Variants in NFAM1 observed in about 807,000 individuals in gnomAD.
The protein encoded by NFAM1 is NFAT activation molecule 1.
A neutral mutation model predicts 29.0 loss-of-function variants in NFAM1; 17 were observed. The observed-to-expected ratio is 0.59, with a 90% confidence interval of 0.40 to 0.88. The LOEUF (loss-of-function observed/expected upper bound fraction) is 0.88. Ranked by LOEUF, NFAM1 falls within the 40% of genes least tolerant of loss-of-function variation. NFAM1 has a pLI of 0.00. For synonymous variants in NFAM1, 175 were observed against 147.2 expected, an observed-to-expected ratio of 1.19 and a Z score of -1.36; for missense variants, 324 against 344.6, an observed-to-expected ratio of 0.94 and a Z score of 0.47.
chr22:42,404,986 A>G (rs1929846223), intron 3 of NFAM1, among the ~76,000 whole-genome samples: 1 of 151,760 alleles, frequency 6.6e-6, no homozygotes, highest in Non-Finnish European at 1.5e-5. Flanking sequence ...GCTTGCTTTC[A>G]CCCTGTTGGC....
chr22:42,405,650 C>A (rs1929872663), intron 3 of NFAM1, among the ~76,000 whole-genome samples: 1 of 152,164 alleles, frequency 6.6e-6, no homozygotes, highest in Admixed American at 6.5e-5. Context: ...TAACCCTGGG[C>A]TCATGAAAGC....
At chr22:42,422,372 G>A (rs1260735934) in intron 1 of NFAM1, among the ~76,000 whole-genome samples, 1 of 152,116 alleles carries the variant, frequency 6.6e-6, no homozygotes, top group Non-Finnish European at 1.5e-5. Context: ...TTGGGAAGCT[G>A]AGGCGGGCGG....
At chr22:42,420,020 T>TCTGAGGCAGAA (rs1930391994) in intron 1 of NFAM1, among the ~76,000 whole-genome samples, 1 of 118,036 alleles carries the variant, frequency 8.5e-6, no homozygotes, top group Admixed American at 9.1e-5. Flanking sequence ...TTTTTTTTTT[T>TCTGAGGCAGAA]TTTTTTCTGA....
chr22:42,437,859 G>A, the NFAM1 span, among the ~76,000 whole-genome samples: 9 of 152,136 alleles, frequency 5.9e-5, no homozygotes, highest in African/African-American at 1.2e-4. Flanking sequence ...GAGGGCTGTC[G>A]GTACAGGGTG....
At chr22:42,414,083 A>G (rs911385473) in intron 1 of NFAM1, among the ~76,000 whole-genome samples, 9 of 152,008 alleles carry the variant, frequency 5.9e-5, no homozygotes, top group African/African-American at 2.2e-4. Context: ...AAGAAAGAAA[A>G]AGAGAGACAC....
intron 1 of NFAM1, among the ~76,000 whole-genome samples, chr22:42,425,016 G>A (rs2030326835): frequency 1.3e-5 from 2 of 151,956 alleles, no homozygotes; most frequent in African/African-American, 4.8e-5. Flanking sequence ...CTACCTCCCA[G>A]GTTCAAACAA....
intron 4 of NFAM1, among the ~76,000 whole-genome samples, chr22:42,397,390 T>C (rs1929566038): frequency 6.6e-6 from 1 of 152,256 alleles, no homozygotes; most frequent in African/African-American, 2.4e-5. Flanking sequence ...AATATCTGCA[T>C]GTGCCAGGAG....
At position 42,384,905 on chromosome 22, in the gene NFAM1, T is replaced by C; in HGVS notation, c.*256A>G. Reference sequence around the variant, plus strand: ...GAAGACTGAGGGGCGCTTTGCTGGTTGGGCCAAGGGAGGAAGGGCCTGCCT... The same window carrying C: ...GAAGACTGAGGGGCGCTTTGCTGGTCGGGCCAAGGGAGGAAGGGCCTGCCT... On this transcript the variant is annotated 3_prime_UTR_variant, in exon 6 of 6. Coordinates refer to ENST00000329021, the MANE Select transcript of NFAM1 (RefSeq NM_145912.8). The C allele has an allele frequency of 3.5e-6, 2 of 578,370 alleles. No individual in the cohort carries two copies. The highest frequency in any genetic ancestry group is 3.9e-5 in the South Asian group (2 of 51,844). 35.8% of individuals were successfully genotyped at this position (578,370 alleles called of 1,614,324 possible).
chr22:42,385,067 G>A lies in NFAM1; in HGVS notation c.*94C>T, dbSNP rs1393843914. ...GGGTGAAATGATGGGGTGTCCCTGG[G>A]GGCCTTACTCCCAACTCAGATCAAG... is the stretch of plus-strand genomic sequence containing the variant. On this transcript the variant is annotated 3_prime_UTR_variant, in exon 6 of 6. Transcript: ENST00000329021. 2 of 901,542 alleles carry A rather than the reference G, an allele frequency of 2.2e-6. No homozygotes were observed. The highest frequency in any genetic ancestry group is 1.3e-5 in the South Asian group (1 of 76,634). 55.8% of individuals were successfully genotyped at this position (901,542 alleles called of 1,614,324 possible).
intron 3 of NFAM1, among the ~76,000 whole-genome samples, chr22:42,405,356 C>A (rs900653636): frequency 6.6e-6 from 1 of 152,094 alleles, no homozygotes; most frequent in African/African-American, 2.4e-5. Context: ...GGTCCGCAGG[C>A]GGGGGGAGTC....
chr22:42,405,262 C>A (rs1929857777), intron 3 of NFAM1, among the ~76,000 whole-genome samples: 1 of 152,158 alleles, frequency 6.6e-6, no homozygotes, highest in Non-Finnish European at 1.5e-5. Flanking sequence ...TAAGATCTCG[C>A]CTGGCCCCGT....
chr22:42,414,557 ATTTTT>A (rs111849577), intron 1 of NFAM1, among the ~76,000 whole-genome samples: 1 of 147,418 alleles, frequency 6.8e-6, no homozygotes, highest in African/African-American at 2.5e-5. Context: ...TGGGCATCAA[ATTTTT>A]TTTTTTTTAA....
chr22:42,425,444 A>G (rs183711128), intron 1 of NFAM1, among the ~76,000 whole-genome samples: 49 of 151,514 alleles, frequency 3.2e-4, no homozygotes, highest in Non-Finnish European at 5.2e-4. Context: ...TTAAATCTCT[A>G]CCTCCCACAA....
At position 42,427,481 on chromosome 22, in the gene NFAM1, GGTGCTGGTCCC is replaced by G. The variant is rs1236667020; in HGVS notation, c.121+4745_121+4755del. ...GTCACCATTTCCTGAGCATCTGCTG[GGTGCTGGTCCC>G]GTGCTGGGAGTCAAGGATTAGAAGC... is the stretch of plus-strand genomic sequence containing the variant. On this transcript the variant is annotated intron_variant, in intron 1 of 5. Coordinates refer to ENST00000329021, the MANE Select transcript of NFAM1 (RefSeq NM_145912.8). Among the ~76,000 whole-genome samples, 4 of 152,172 alleles carry G rather than the reference GGTGCTGGTCCC, an allele frequency of 2.6e-5. No homozygotes were observed. The East Asian group carries it at 7.7e-4, about 29-fold the overall frequency.
intron 5 of NFAM1, among the ~76,000 whole-genome samples, chr22:42,386,045 G>A (rs1929127667): frequency 6.6e-6 from 1 of 152,118 alleles, no homozygotes; most frequent in African/African-American, 2.4e-5. Flanking sequence ...GGAAAACACT[G>A]CTCATCCACT....
chr22:42,385,238 A>C lies in NFAM1; in HGVS notation c.754-18T>G, dbSNP rs866113254. On this transcript the variant is annotated intron_variant, in intron 5 of 5. Transcript: ENST00000329021. ...GGTCTCTCCTGGATAGAAAAGAAGA[A>C]AGGGAGGGAAGGAGAGAAAGAGAGA... 6.5e-7 allele frequency: 1 copy of C among 1,545,874 alleles called. No individual in the cohort carries two copies. The highest frequency in any genetic ancestry group is 1.4e-5 in the African/African-American group (1 of 73,620).
intron 1 of NFAM1, among the ~76,000 whole-genome samples, chr22:42,430,964 C>T (rs141939338): frequency 3.0e-4 from 46 of 152,294 alleles, no homozygotes; most frequent in African/African-American, 5.5e-4. Flanking sequence ...TGGGGCGAGG[C>T]GTGCACAGGA....
At position 42,385,024 on chromosome 22, in the gene NFAM1, G is replaced by A. The variant is rs914094060; in HGVS notation, c.*137C>T. The A allele has an allele frequency of 8.1e-6, 6 of 741,858 alleles. No homozygotes were observed. Among genetic ancestry groups the A allele is most frequent in the African/African-American group, 3.4e-5 (2 of 58,190 alleles). The allele number at this position is 741,858 out of a possible 1,614,324, so 46.0% of individuals were successfully genotyped here. A position where few individuals can be genotyped will look rare whatever the true frequency, so the allele number is the denominator to read the frequency against. On this transcript the variant is annotated 3_prime_UTR_variant, in exon 6 of 6. Transcript: ENST00000329021. ...GGGGCAGTGGGGCCGGCCAAGACAG[G>A]AAGGGCCTTGAATGTGAGGGTGAAA...
chr22:42,406,385 C>T (rs371076653), intron 3 of NFAM1, among the ~76,000 whole-genome samples: 1 of 152,182 alleles, frequency 6.6e-6, no homozygotes. Context: ...GATCTCACCC[C>T]CTTCCTTGTA....
Sources: gnomAD v4.1 joint callset for allele counts (sites outside exome capture counted in the v4.1 genomes callset) on GRCh38, gnomAD v4.1.1 for gene constraint, MANE v1.5 for transcripts, NCBI Gene and HGNC (gene_info 2026-07-23, HGNC 2026-07-21) for gene names.